Variants in TOPBP1 observed in about 807,000 individuals in gnomAD.
TOPBP1 encodes the protein DNA topoisomerase 2-binding protein 1.
Under a neutral mutation model 167.7 loss-of-function variants are expected in TOPBP1, and 28 were observed. That is an observed-to-expected ratio of 0.17 (90% confidence interval 0.12 to 0.23). The LOEUF (loss-of-function observed/expected upper bound fraction) is 0.23. TOPBP1 is among the 10% of genes least tolerant of loss of function. TOPBP1 has a pLI of 1.00. For missense variants in TOPBP1, 1,554 were observed against 1,809.6 expected, an observed-to-expected ratio of 0.86 and a Z score of 2.56; for synonymous variants, 598 against 611.4, an observed-to-expected ratio of 0.98 and a Z score of 0.32.
At chr3:133,611,650 G>A (rs1409711242) in intron 24 of TOPBP1, among the ~76,000 whole-genome samples, 1 of 152,192 alleles carries the variant, frequency 6.6e-6, no homozygotes, top group Non-Finnish European at 1.5e-5. Flanking sequence ...CTGGCTCTGC[G>A]AAGTTTCGTT....
chr3:133,650,431 C>T (rs901873630), intron 8 of TOPBP1, among the ~76,000 whole-genome samples: 14 of 151,950 alleles, frequency 9.2e-5, no homozygotes, highest in Admixed American at 2.6e-4. Context: ...AAGTTGCTTA[C>T]GCTCTTTAAA....
intron 18 of TOPBP1, 51 bp downstream of exon 18, chr3:133,623,260 G>C (rs1935156040): frequency 2.5e-6 from 4 of 1,612,212 alleles, no homozygotes; most frequent in Non-Finnish European, 3.4e-6. Flanking sequence ...AGCAATATAT[G>C]ATTATACCTT....
At chr3:133,639,024 A>G (rs1161135074) in intron 13 of TOPBP1, among the ~76,000 whole-genome samples, 1 of 152,224 alleles carries the variant, frequency 6.6e-6, no homozygotes, top group Non-Finnish European at 1.5e-5. Flanking sequence ...ATCCTTGGTG[A>G]GTCAAGAATG....
At chr3:133,613,441 C>G (rs1161945794) in intron 23 of TOPBP1, among the ~76,000 whole-genome samples, 1 of 152,064 alleles carries the variant, frequency 6.6e-6, no homozygotes, top group Non-Finnish European at 1.5e-5. Flanking sequence ...GTCTCAATTA[C>G]AAAAGCAGTT....
intron 19 of TOPBP1, 31 bp downstream of exon 19, chr3:133,623,060 A>T (rs561944789): frequency 1.8e-4 from 250 of 1,391,988 alleles, no homozygotes; most frequent in Admixed American, 2.2e-4. Flanking sequence ...CTCAAAAAAA[A>T]TTTTTTTAAT....
At chr3:133,626,783 C>T (rs1160381262) in intron 16 of TOPBP1, among the ~76,000 whole-genome samples, 1 of 152,172 alleles carries the variant, frequency 6.6e-6, no homozygotes, top group African/African-American at 2.4e-5. Flanking sequence ...TTCTATTTCT[C>T]CTATGCATCA....
intron 10 of TOPBP1, among the ~76,000 whole-genome samples, chr3:133,648,318 G>A (rs1276262317): frequency 3.9e-5 from 6 of 152,238 alleles, no homozygotes; most frequent in African/African-American, 7.2e-5. Context: ...GGTCTCAGAT[G>A]TAAAAAGAAC....
intron 23 of TOPBP1, among the ~76,000 whole-genome samples, 185 bp from the exon 24 acceptor site, chr3:133,612,737 T>C (rs1934722501): frequency 6.6e-6 from 1 of 151,922 alleles, no homozygotes. Flanking sequence ...AAAATGTTTA[T>C]TATGAACATT....
intron 13 of TOPBP1, among the ~76,000 whole-genome samples, chr3:133,639,603 T>C (rs1044996307): frequency 6.6e-6 from 1 of 151,818 alleles, no homozygotes. Context: ...GTAATAATAA[T>C]TAAAAAGAAA....
intron 14 of TOPBP1, among the ~76,000 whole-genome samples, chr3:133,635,220 GA>G (rs777393555): frequency 1.3e-5 from 2 of 152,100 alleles, no homozygotes; most frequent in Non-Finnish European, 2.9e-5. Context: ...AATGTGCTGG[GA>G]TAACAGGCAT....
At chr3:133,608,508 G>A (rs1934567586) in intron 27 of TOPBP1, 27 bp downstream of exon 27, 1 of 1,609,366 alleles carries the variant, frequency 6.2e-7, no homozygotes, top group Non-Finnish European at 8.5e-7. Context: ...CTGGTAATGA[G>A]GAGGTCAAGG....
At chr3:133,640,623 C>T (rs1332057616) in intron 12 of TOPBP1, among the ~76,000 whole-genome samples, 4 of 152,052 alleles carry the variant, frequency 2.6e-5, no homozygotes, top group Non-Finnish European at 4.4e-5. Context: ...GTTGCCTAGC[C>T]TGGTCTCGAA....
At position 133,653,350 on chromosome 3, in the gene TOPBP1, A is replaced by G. The variant is rs2107830465; in HGVS notation, c.917T>C (p.Ile306Thr). 4 of 1,593,054 alleles carry G rather than the reference A, an allele frequency of 2.5e-6. No individual in the cohort carries two copies. Among genetic ancestry groups the G allele is most frequent in the Middle Eastern group, 1.7e-4 (1 of 5,946 alleles). ...SSTPTSQINTIDSRTLSDVSN... is the reference protein window; with the variant it reads ...SSTPTSQINTTDSRTLSDVSN... The stretch of plus-strand genomic sequence containing the variant: ...TTAATCTCAATGAGACTCACTATCA[A>G]TTGTGTTGATCTGGCTGGTAGGAGT... Residue 306 changes from isoleucine (I) to threonine (T), a missense_variant, in exon 7 of 28, where the codon ATT becomes ACT. This residue lies in a region of TOPBP1 where 1,197 missense variants were observed against 1,351.5 expected (regional missense o/e 0.89). Coordinates refer to ENST00000260810, the MANE Select transcript of TOPBP1 (RefSeq NM_007027.4).
intron 13 of TOPBP1, 47 bp downstream of exon 13, chr3:133,639,912 C>G: frequency 5.1e-6 from 8 of 1,562,118 alleles, no homozygotes; most frequent in Non-Finnish European, 7.0e-6. Flanking sequence ...ATCCCAGAAA[C>G]CATCTAGTTG....
intron 10 of TOPBP1, 89 bp from the exon 11 acceptor site, chr3:133,644,452 G>T: frequency 8.2e-7 from 1 of 1,222,258 alleles, no homozygotes; most frequent in South Asian, 1.7e-5. Context: ...CATGGAATCT[G>T]ATAATTTTGA....
chr3:133,631,644 A>AG (rs1935484635), intron 14 of TOPBP1, among the ~76,000 whole-genome samples: 1 of 152,018 alleles, frequency 6.6e-6, no homozygotes, highest in African/African-American at 2.4e-5. Context: ...ATAATGAGTG[A>AG]GTTCTCATGA....
At chr3:133,628,114 A>G in intron 16 of TOPBP1, 2 of 428,426 alleles carry the variant, frequency 4.7e-6, no homozygotes, top group Admixed American at 7.3e-5. Context: ...AGTTAGTGGC[A>G]TAAAATAGGC....
rs1335876854 is a variant in TOPBP1 at position 133,625,587 on chromosome 3, C to T, written c.2805-1412G>A. On this transcript the variant is annotated intron_variant, in intron 16 of 27. Coordinates refer to ENST00000260810, the MANE Select transcript of TOPBP1 (RefSeq NM_007027.4). ...TCTCTTCTAAAAATACAAAATTAGC[C>T]GGGTGTGGTGGCGCATGCCTGTAAT... 1.7e-4 allele frequency among the ~76,000 whole-genome samples: 26 copies of T among 151,978 alleles called. 1 individual carries two copies. The highest frequency in any genetic ancestry group is 3.4e-3 in the Middle Eastern group (1 of 294).
chr3:133,625,457 T>TG (rs1396578887), intron 16 of TOPBP1, among the ~76,000 whole-genome samples: 6 of 152,146 alleles, frequency 3.9e-5, no homozygotes, highest in African/African-American at 1.4e-4. Flanking sequence ...CTGGGTGCAG[T>TG]GGCAGTGGCT....
Sources: allele counts gnomAD v4.1 joint callset (sites outside exome capture counted in the v4.1 genomes callset), GRCh38; gene constraint gnomAD v4.1.1; regional missense constraint gnomAD v4.1.1; transcripts MANE v1.5; gene names NCBI Gene and HGNC (gene_info 2026-07-23, HGNC 2026-07-21).